The following BMPR2 variants were observed in gnomAD, a reference collection of about 807,000 sequenced individuals.
BMPR2 encodes the protein bone morphogenetic protein receptor type-2.
A neutral mutation model predicts 100.8 loss-of-function variants in BMPR2; 29 were observed. That is an observed-to-expected ratio of 0.29 (90% confidence interval 0.21 to 0.39). BMPR2 has a LOEUF of 0.39. Ranked by LOEUF, BMPR2 falls within the 10% of genes least tolerant of loss-of-function variation. The pLI is 1.00. For synonymous variants in BMPR2, 382 were observed against 442.3 expected (o/e 0.86, Z 1.71); for missense variants, 1,011 against 1,274.5 (o/e 0.79, Z 3.15).
intron 1 of BMPR2, among the ~76,000 whole-genome samples, chr2:202,406,330 C>G (rs1404569191): frequency 6.6e-6 from 1 of 152,202 alleles, no homozygotes; most frequent in Non-Finnish European, 1.5e-5. Flanking sequence ...AGAATTAATA[C>G]AATTTTCTTT....
At chr2:202,454,659 A>G (rs1692055728) in intron 1 of BMPR2, among the ~76,000 whole-genome samples, 1 of 152,172 alleles carries the variant, frequency 6.6e-6, no homozygotes. Flanking sequence ...TATCAGAACA[A>G]TTTACAGTTG....
At chr2:202,492,364 A>G (rs1692920185) in intron 3 of BMPR2, among the ~76,000 whole-genome samples, 1 of 152,102 alleles carries the variant, frequency 6.6e-6, no homozygotes, top group Non-Finnish European at 1.5e-5. Flanking sequence ...GAAAATGTAT[A>G]TAATTTTGTG....
intron 3 of BMPR2, among the ~76,000 whole-genome samples, chr2:202,499,109 G>A (rs1214715365): frequency 1.3e-5 from 2 of 152,138 alleles, no homozygotes; most frequent in Non-Finnish European, 1.5e-5. Flanking sequence ...TGTAGGGGGA[G>A]GGGAATTTGG....
At chr2:202,379,838 T>TTTTCTTTCTTTCTTTCTTTC (rs3044179) in intron 1 of BMPR2, among the ~76,000 whole-genome samples, 52 of 150,458 alleles carry the variant, frequency 3.5e-4, no homozygotes, top group African/African-American at 6.8e-4. Flanking sequence ...TCTTAGAACA[T>TTTTCTTTCTTTCTTTCTTTC]TTTCTTTCTT....
Position 202,495,834 on chromosome 2 carries a change from G to T in BMPR2, c.419-17885G>T, listed in dbSNP as rs1693014448. On this transcript the variant is annotated intron_variant, in intron 3 of 12. Transcript: ENST00000374580. The surrounding 1 kb of genome is among the most constrained non-coding windows in gnomAD (Gnocchi z 4.5). ...AATGAATGTTTAATGTAAAAGTTTT[G>T]TTAAATTTTCTTTTATAAATTTGAG... is the stretch of plus-strand genomic sequence containing the variant. Among the ~76,000 whole-genome samples, 1 of 152,112 alleles carries T rather than the reference G, an allele frequency of 6.6e-6. No individual in the cohort carries two copies. Among genetic ancestry groups the T allele is most frequent in the Non-Finnish European group, 1.5e-5 (1 of 68,004 alleles).
intron 1 of BMPR2, among the ~76,000 whole-genome samples, chr2:202,393,422 G>A (rs1454266608): frequency 2.6e-5 from 4 of 152,104 alleles, no homozygotes; most frequent in Non-Finnish European, 5.9e-5. Context: ...CCAAAACGGT[G>A]TACGATTCTT....
At chr2:202,456,517 C>CTTT (rs1247413090) in intron 1 of BMPR2, among the ~76,000 whole-genome samples, 1 of 131,282 alleles carries the variant, frequency 7.6e-6, no homozygotes, top group African/African-American at 2.9e-5. Flanking sequence ...TTCTTTCTTT[C>CTTT]TTTTTTTTTT....
chr2:202,515,138 G>A (rs983960251), intron 5 of BMPR2, among the ~76,000 whole-genome samples, 159 bp downstream of exon 5: 1 of 152,240 alleles, frequency 6.6e-6, no homozygotes, highest in Non-Finnish European at 1.5e-5. Context: ...AGGAACATAG[G>A]TGAACAATGT....
At chr2:202,516,929 G>T (rs1348803916) in intron 5 of BMPR2, among the ~76,000 whole-genome samples, 2 of 152,156 alleles carry the variant, frequency 1.3e-5, no homozygotes, top group African/African-American at 4.8e-5. Context: ...TCCCCAACCT[G>T]TTTTAATAAA....
chr2:202,484,545 C>T (rs1268703334), intron 3 of BMPR2, among the ~76,000 whole-genome samples: 2 of 151,612 alleles, frequency 1.3e-5, no homozygotes, highest in African/African-American at 4.9e-5. Context: ...TGGTGGCAGG[C>T]GCCTGTAGTC....
Position 202,377,567 on chromosome 2 carries a change from G to C in BMPR2, c.76+17G>C, listed in dbSNP as rs1258687047. 1 of 1,613,500 alleles carries C rather than the reference G, an allele frequency of 6.2e-7. No individual in the cohort carries two copies. Among genetic ancestry groups the C allele is most frequent in the Non-Finnish European group, 8.5e-7 (1 of 1,179,756 alleles). On this transcript the variant is annotated intron_variant, in intron 1 of 12. Transcript: ENST00000374580. ...CTGCGGCTGGTGAGTAGCTCCGGCC[G>C]GCACGTCCCGGCCACTGCCCCTGCG...
intron 3 of BMPR2, among the ~76,000 whole-genome samples, chr2:202,502,383 C>A (rs867459786): frequency 6.6e-6 from 1 of 150,872 alleles, no homozygotes; most frequent in Non-Finnish European, 1.5e-5. Context: ...AAGAAAGAGA[C>A]AGAGAAGAGA....
chr2:202,394,392 C>T (rs190002672), intron 1 of BMPR2, among the ~76,000 whole-genome samples: 17 of 151,622 alleles, frequency 1.1e-4, no homozygotes, highest in Admixed American at 5.9e-4. Context: ...ATATTTCCCC[C>T]AAAATAACTG....
At chr2:202,435,188 C>T (rs1404478244) in intron 1 of BMPR2, among the ~76,000 whole-genome samples, 1 of 144,888 alleles carries the variant, frequency 6.9e-6, no homozygotes, top group Non-Finnish European at 1.5e-5. Context: ...GGTGAAACCC[C>T]GTCTCTACTG....
At chr2:202,457,561 T>TATATAGAG (rs750336398) in intron 1 of BMPR2, among the ~76,000 whole-genome samples, 1 of 94,842 alleles carries the variant, frequency 1.1e-5, no homozygotes, top group Non-Finnish European at 2.0e-5. Flanking sequence ...TATATATATA[T>TATATAGAG]AGAGAGAGAG....
intron 5 of BMPR2, among the ~76,000 whole-genome samples, chr2:202,516,702 G>A (rs2106004623): frequency 6.6e-6 from 1 of 152,212 alleles, no homozygotes; most frequent in South Asian, 2.1e-4. Context: ...AAGTAAGTGT[G>A]GCTAAGAAAT....
rs762096820 is a variant in BMPR2 at position 202,485,545 on chromosome 2, C to CTTTT, written c.418+17872_418+17875dup. The stretch of plus-strand genomic sequence containing the variant: ...GTCTCAAATCTCCCTTTGCCTTTAT[C>CTTTT]TTTTTTTTTTTTTTTTTTTGAGACA... On this transcript the variant is annotated intron_variant, in intron 3 of 12. Coordinates refer to ENST00000374580, the MANE Select transcript of BMPR2 (RefSeq NM_001204.7). Among the ~76,000 whole-genome samples the CTTTT allele has an allele frequency of 8.1e-3, 519 of 63,988 alleles. 98 individuals carry two copies. The highest frequency in any genetic ancestry group is 0.011 in the Non-Finnish European group (397 of 37,134). The allele number at this position is 63,988 out of a possible 152,430, so 42.0% of individuals were successfully genotyped here.
At chr2:202,418,358 A>G (rs1691180717) in intron 1 of BMPR2, among the ~76,000 whole-genome samples, 1 of 152,224 alleles carries the variant, frequency 6.6e-6, no homozygotes, top group African/African-American at 2.4e-5. Context: ...TGCCTAAGAC[A>G]TACAGTAAAG....
At chr2:202,557,654 C>T (rs542826386) in intron 12 of BMPR2, among the ~76,000 whole-genome samples, 1 of 151,908 alleles carries the variant, frequency 6.6e-6, no homozygotes, top group South Asian at 2.1e-4. Flanking sequence ...GCAGCAAGAG[C>T]GAAACTCCAT....
Sources: allele counts gnomAD v4.1 joint callset (sites outside exome capture counted in the v4.1 genomes callset), GRCh38; gene constraint gnomAD v4.1.1; non-coding constraint Gnocchi (gnomAD v3.1); transcripts MANE v1.5; gene names NCBI Gene and HGNC (gene_info 2026-07-23, HGNC 2026-07-21).